PATJ: variants seen among roughly 807,000 people sequenced by gnomAD.
The protein encoded by PATJ is inaD-like protein.
Under a neutral mutation model 224.9 loss-of-function variants are expected in PATJ, and 190 were observed. The observed-to-expected ratio is 0.84, with a 90% CI of 0.75 to 0.95. The LOEUF is 0.95. Ranked by LOEUF, PATJ falls within the 40% of genes least tolerant of loss-of-function variation. The probability of loss-of-function intolerance (pLI) is 0.00; values close to 1 mark genes in which losing one functional copy is unlikely to be tolerated. For missense variants in PATJ, 2,121 were observed against 2,270.3 expected (o/e 0.93, Z 1.34); for synonymous variants, 769 against 820.3 (o/e 0.94, Z 1.07).
rs1230231147 is a variant in PATJ at position 61,927,964 on chromosome 1, A to G, written c.3670+135A>G. On this transcript the variant is annotated intron_variant, in intron 27 of 43. Transcript: ENST00000642238. ...GAATGTATGCTAAAAAATCAAATCT[A>G]TACCTTTGAAGCTTTTGTGGCGTCA... The G allele has an allele frequency of 1.1e-5, 7 of 631,882 alleles. 1 individual carries two copies. Among genetic ancestry groups the G allele is most frequent in the South Asian group, 7.1e-5 (3 of 42,194 alleles). 39.1% of individuals were successfully genotyped at this position (631,882 alleles called of 1,614,324 possible).
chr1:61,823,658 A>C (rs1464769663), intron 15 of PATJ, among the ~76,000 whole-genome samples: 1 of 152,232 alleles, frequency 6.6e-6, no homozygotes, highest in African/African-American at 2.4e-5. Context: ...AGGATACACA[A>C]GAAGCCCTAG....
At chr1:61,912,045 A>G (rs1057477327) in intron 25 of PATJ, among the ~76,000 whole-genome samples, 2 of 105,054 alleles carry the variant, frequency 1.9e-5, no homozygotes, top group African/African-American at 3.5e-5. Context: ...GGATATCTTC[A>G]GCTCATTATG....
chr1:62,107,264 C>A (rs1294212564), intron 33 of PATJ, among the ~76,000 whole-genome samples: 3 of 151,446 alleles, frequency 2.0e-5, no homozygotes, highest in Non-Finnish European at 4.4e-5. Flanking sequence ...CAAGATGGCA[C>A]CACTGCACTC....
chr1:61,950,059 C>T (rs545783549), intron 27 of PATJ, among the ~76,000 whole-genome samples: 13 of 152,230 alleles, frequency 8.5e-5, no homozygotes, highest in South Asian at 4.1e-4. Context: ...AAAACATTAG[C>T]TGGGTGTGGT....
At chr1:62,126,440 A>G (rs565096446) in intron 39 of PATJ, among the ~76,000 whole-genome samples, 4 of 152,294 alleles carry the variant, frequency 2.6e-5, no homozygotes, top group Non-Finnish European at 4.4e-5. Context: ...TTGACTAGAC[A>G]TCTTGATTGT....
intron 14 of PATJ, among the ~76,000 whole-genome samples, chr1:61,814,560 G>GCT (rs1655711555): frequency 6.6e-6 from 1 of 151,418 alleles, no homozygotes; most frequent in Non-Finnish European, 1.5e-5. Context: ...GCGCGCGCGC[G>GCT]CATGTATGTG....
At chr1:61,811,531 T>C (rs1479985187) in intron 14 of PATJ, among the ~76,000 whole-genome samples, 3 of 151,762 alleles carry the variant, frequency 2.0e-5, no homozygotes, top group Non-Finnish European at 2.9e-5. Flanking sequence ...GCCAGGCTCT[T>C]ATTATTATTT....
chr1:61,888,303 G>T (rs1323969407), intron 22 of PATJ, among the ~76,000 whole-genome samples: 2 of 152,034 alleles, frequency 1.3e-5, no homozygotes, highest in East Asian at 1.9e-4. Flanking sequence ...TTGAGACAGG[G>T]TCTTACTCTG....
At chr1:62,106,830 T>C (rs1461706467) in intron 33 of PATJ, among the ~76,000 whole-genome samples, 1 of 152,144 alleles carries the variant, frequency 6.6e-6, no homozygotes, top group Non-Finnish European at 1.5e-5. Context: ...CCTGGGGTCC[T>C]ATAGGTGTCA....
At position 62,114,066 on chromosome 1, in the gene PATJ, A is replaced by G; in HGVS notation, c.4475A>G (p.Asp1492Gly). The change falls in exon 35 of 44, where the codon GAC becomes GGC. Residue 1492 changes from aspartate to glycine, a missense_variant. Asp to Gly is a moderately conservative substitution (Grantham distance 94). Coordinates refer to ENST00000642238, the MANE Select transcript of PATJ (RefSeq NM_001350145.3). ...CCATTGTTCCAGGTTAATGGGGTTG[A>G]CCTGAGGAACTCCAGCCACGAAGAA... ...GDQILEVNGV[D>G]LRNSSHEEAI... 1 of 1,614,018 alleles carries G rather than the reference A, an allele frequency of 6.2e-7. No homozygotes were observed. The highest frequency in any genetic ancestry group is 1.7e-5 in the Admixed American group (1 of 60,000).
chr1:61,766,252 T>TTGG (rs1553153971), intron 3 of PATJ, 27 bp from the exon 4 acceptor site: 11 of 1,460,188 alleles, frequency 7.5e-6, no homozygotes, highest in Non-Finnish European at 9.3e-6. Flanking sequence ...TAGATTTCTG[T>TTGG]TGATTCTTTT....
intron 27 of PATJ, among the ~76,000 whole-genome samples, chr1:61,984,959 A>T (rs564208750): frequency 5.3e-5 from 8 of 152,136 alleles, no homozygotes; most frequent in African/African-American, 1.9e-4. Context: ...ATTCATAGTA[A>T]TTCATTGAAT....
At chr1:61,876,739 G>A (rs1667382934) in intron 21 of PATJ, among the ~76,000 whole-genome samples, 1 of 152,142 alleles carries the variant, frequency 6.6e-6, no homozygotes, top group African/African-American at 2.4e-5. Flanking sequence ...ATGGGCTGGT[G>A]TTTGGGTGGA....
At position 62,058,769 on chromosome 1, in the gene PATJ, C is replaced by T. The variant is rs55738659; in HGVS notation, c.4125+7711C>T. Among the ~76,000 whole-genome samples, 256 of 152,232 alleles carry T rather than the reference C, an allele frequency of 1.7e-3. 1 individual carries two copies. The highest frequency in any genetic ancestry group is 5.9e-3 in the African/African-American group (246 of 41,546). ...ACACATTTTGTTAGAATCTGTGCAGCGTTTCGAGCTCTAGGCATGTGAAGA... is the reference window on the plus strand; with the variant it reads ...ACACATTTTGTTAGAATCTGTGCAGTGTTTCGAGCTCTAGGCATGTGAAGA... On this transcript the variant is annotated intron_variant, in intron 31 of 43. Coordinates refer to ENST00000642238, the MANE Select transcript of PATJ (RefSeq NM_001350145.3).
chr1:61,986,721 T>C (rs1423010659), intron 27 of PATJ, among the ~76,000 whole-genome samples: 1 of 150,732 alleles, frequency 6.6e-6, no homozygotes, highest in Non-Finnish European at 1.5e-5. Context: ...TAATTTATTT[T>C]CATCACCTAT....
chr1:62,008,757 A>G (rs1232770004), intron 28 of PATJ, among the ~76,000 whole-genome samples: 1 of 152,230 alleles, frequency 6.6e-6, no homozygotes, highest in Non-Finnish European at 1.5e-5. Context: ...TCAAAAATAA[A>G]TAAATAAATA....
Position 61,914,684 on chromosome 1 carries a change from G to C in PATJ, c.3570+20G>C. On this transcript the variant is annotated intron_variant, in intron 26 of 43. Coordinates refer to ENST00000642238, the MANE Select transcript of PATJ (RefSeq NM_001350145.3). ...GAAAAGGTAACTTGAACCTCTCAAGGATTTAAAAAATGTTTTTGTTTTGTT... is the reference window on the plus strand; with the variant it reads ...GAAAAGGTAACTTGAACCTCTCAAGCATTTAAAAAATGTTTTTGTTTTGTT... The C allele has an allele frequency of 6.9e-7, 1 of 1,449,312 alleles. No individual in the cohort carries two copies. Among genetic ancestry groups the C allele is most frequent in the South Asian group, 1.2e-5 (1 of 83,714 alleles). The allele number at this position is 1,449,312 out of a possible 1,614,324, so 89.8% of individuals were successfully genotyped here. A position where few individuals can be genotyped will look rare whatever the true frequency, so the allele number is the denominator to read the frequency against.
chr1:61,861,284 C>CTTTTT lies in PATJ; in HGVS notation c.2323-248_2323-244dup. 6.1e-4 allele frequency among the ~76,000 whole-genome samples: 30 copies of CTTTTT among 48,862 alleles called. 1 individual carries two copies. Among genetic ancestry groups the CTTTTT allele is most frequent in the East Asian group, 1.5e-3 (1 of 660 alleles). The allele number at this position is 48,862 out of a possible 152,430, so 32.1% of individuals were successfully genotyped here. The stretch of plus-strand genomic sequence containing the variant: ...TGAAACCAGGATATTTTCTTTCTTT[C>CTTTTT]TTTTTTTTTTTTTTTTTTTTTTTAC... On this transcript the variant is annotated intron_variant, in intron 18 of 43. Coordinates refer to ENST00000642238, the MANE Select transcript of PATJ (RefSeq NM_001350145.3).
At chr1:61,796,696 TTCTTTCTTTC>T (rs1242003925) in intron 10 of PATJ, among the ~76,000 whole-genome samples, 1 of 65,624 alleles carries the variant, frequency 1.5e-5, no homozygotes, top group Admixed American at 1.9e-4. Flanking sequence ...CTTTCTTTCT[TTCTTTCTTTC>T]TTTCTTTCTT....
Sources: allele counts gnomAD v4.1 joint callset (sites outside exome capture counted in the v4.1 genomes callset), GRCh38; gene constraint gnomAD v4.1.1; transcripts MANE v1.5; gene names NCBI Gene and HGNC (gene_info 2026-07-23, HGNC 2026-07-21).